ADGRB3: variants seen among roughly 807,000 people sequenced by gnomAD.
ADGRB3 encodes brain-specific angiogenesis inhibitor 3.
Under a neutral mutation model 193.4 loss-of-function variants are expected in ADGRB3, and 37 were observed. The observed-to-expected ratio is 0.19, with a 90% confidence interval of 0.15 to 0.25. The LOEUF is 0.25. Among genes scored for constraint, ADGRB3 ranks in the 10% least tolerant of loss-of-function variants. ADGRB3 has a pLI of 1.00. For missense variants in ADGRB3, 1,637 were observed against 1,852.9 expected (o/e 0.88, Z 2.14); for synonymous variants, 690 against 644.2 (o/e 1.07, Z -1.08).
intron 8 of ADGRB3, among the ~76,000 whole-genome samples, chr6:68,970,503 G>C (rs1478091374): frequency 6.6e-6 from 1 of 152,030 alleles, no homozygotes; most frequent in Non-Finnish European, 1.5e-5. Flanking sequence ...TTTTAGTAGA[G>C]ATGGGGTTTC....
intron 8 of ADGRB3, among the ~76,000 whole-genome samples, chr6:68,969,669 A>G (rs1468142587): frequency 6.6e-6 from 1 of 152,182 alleles, no homozygotes; most frequent in East Asian, 1.9e-4. Flanking sequence ...CAACTCAGAA[A>G]GCAAGCATCA....
Position 69,324,969 on chromosome 6 carries a change from C to G in ADGRB3, c.2912C>G (p.Thr971Ser). 1 of 1,613,810 alleles carries G rather than the reference C, an allele frequency of 6.2e-7. No homozygotes were observed. The highest frequency in any genetic ancestry group is 8.5e-7 in the Non-Finnish European group (1 of 1,179,862). ...TEAWQSYMAV[T>S]GKIRTRLIRK... Reference sequence around the variant, plus strand: ...GCGTGGCAATCATATATGGCTGTAACTGGAAAAATTAGGACACGGCTTATA... The same window carrying G: ...GCGTGGCAATCATATATGGCTGTAAGTGGAAAAATTAGGACACGGCTTATA... Residue 971 changes from threonine to serine, a missense_variant, in exon 21 of 32, where the codon ACT becomes AGT. Transcript: ENST00000370598.
chr6:69,361,563 TATAA>T (rs1769452216), intron 29 of ADGRB3, 51 bp downstream of exon 29: 7 of 1,534,380 alleles, frequency 4.6e-6, no homozygotes, highest in South Asian at 2.5e-5. Context: ...TATGAATAGA[TATAA>T]ATAGAGATAT....
rs565238754 is a variant in ADGRB3, at chr6:68,736,922, A to G, written c.757+97490A>G. 5.3e-5 allele frequency among the ~76,000 whole-genome samples: 8 copies of G among 152,162 alleles called. No homozygotes were observed. In the South Asian group the frequency reaches 1.7e-3, roughly 32 times the overall value. On this transcript the variant is annotated intron_variant, in intron 3 of 31. Transcript: ENST00000370598. Reference sequence around the variant, plus strand: ...TCTCTCTTTTTTAACAACTTGAATTAGTCATGTTTAGTATTTTAATATGTT... The same window carrying G: ...TCTCTCTTTTTTAACAACTTGAATTGGTCATGTTTAGTATTTTAATATGTT...
rs181532711 is a variant in ADGRB3 at position 68,883,678 on chromosome 6, A to G, written c.758-46881A>G. Among the ~76,000 whole-genome samples, 4 of 152,220 alleles carry G rather than the reference A, an allele frequency of 2.6e-5. 1 individual carries two copies. Among genetic ancestry groups the G allele is most frequent in the Non-Finnish European group, 5.9e-5 (4 of 68,012 alleles). On this transcript the variant is annotated intron_variant, in intron 3 of 31. Transcript: ENST00000370598. ...CAAAGGTCTGCACCTTCACTCCTGA[A>G]GCCAGCGAGACCACGAACCCACCAG...
intron 11 of ADGRB3, among the ~76,000 whole-genome samples, chr6:69,000,506 T>C (rs530786559): frequency 7.1e-6 from 1 of 140,754 alleles, no homozygotes; most frequent in South Asian, 2.1e-4. Flanking sequence ...CTATGTAAGG[T>C]ATAGGATAAC....
intron 13 of ADGRB3, among the ~76,000 whole-genome samples, chr6:69,040,823 T>C (rs1455967668): frequency 4.6e-5 from 7 of 151,622 alleles, no homozygotes; most frequent in Non-Finnish European, 1.0e-4. Context: ...ACATATTACA[T>C]TATTAAAAAC....
chr6:68,689,657 T>G (rs1765038350), intron 3 of ADGRB3, among the ~76,000 whole-genome samples: 1 of 152,056 alleles, frequency 6.6e-6, no homozygotes, highest in African/African-American at 2.4e-5. Flanking sequence ...GTTTCTTCTG[T>G]TTTGTTTGTT....
At chr6:69,091,949 T>A (rs1198475962) in intron 17 of ADGRB3, among the ~76,000 whole-genome samples, 3 of 152,178 alleles carry the variant, frequency 2.0e-5, no homozygotes, top group Non-Finnish European at 4.4e-5. Context: ...GAATGAGCCA[T>A]CTGTTTAAGT....
intron 6 of ADGRB3, among the ~76,000 whole-genome samples, chr6:68,949,590 T>C (rs1767862128): frequency 6.6e-6 from 1 of 152,194 alleles, no homozygotes; most frequent in African/African-American, 2.4e-5. Context: ...GGAAAGATTC[T>C]CAACATTTGC....
chr6:69,168,247 G>A (rs965539195), intron 17 of ADGRB3, among the ~76,000 whole-genome samples: 1 of 152,066 alleles, frequency 6.6e-6, no homozygotes, highest in Non-Finnish European at 1.5e-5. Flanking sequence ...GGCGAGAACA[G>A]GGAAAATGCT....
chr6:68,976,013 C>T (rs1768736854), intron 10 of ADGRB3, among the ~76,000 whole-genome samples: 1 of 152,170 alleles, frequency 6.6e-6, no homozygotes, highest in African/African-American at 2.4e-5. Context: ...TGACAGTCAA[C>T]AGGGCCTCCA....
intron 3 of ADGRB3, among the ~76,000 whole-genome samples, chr6:68,660,957 C>T (rs1768615947): frequency 6.6e-6 from 1 of 150,688 alleles, no homozygotes; most frequent in Non-Finnish European, 1.5e-5. Flanking sequence ...AGTCTAAAAT[C>T]ATTTTGCAAA....
intron 3 of ADGRB3, among the ~76,000 whole-genome samples, chr6:68,642,370 T>C (rs1768102863): frequency 6.6e-6 from 1 of 152,130 alleles, no homozygotes; most frequent in Non-Finnish European, 1.5e-5. Flanking sequence ...GTATTTAGTA[T>C]TGAAAAACAA....
chr6:68,920,475 C>T (rs1767006630), intron 3 of ADGRB3, among the ~76,000 whole-genome samples: 1 of 146,104 alleles, frequency 6.8e-6, no homozygotes, highest in Admixed American at 7.0e-5. Flanking sequence ...CCGAGATCCG[C>T]CATTGCACTC....
intron 17 of ADGRB3, among the ~76,000 whole-genome samples, chr6:69,212,994 A>G (rs564364576): frequency 6.6e-6 from 1 of 152,272 alleles, no homozygotes; most frequent in South Asian, 2.1e-4. Context: ...TTCCTGTAAT[A>G]TGATCCCATA....
At chr6:69,337,701 A>AT (rs1768883454) in intron 24 of ADGRB3, among the ~76,000 whole-genome samples, 1 of 152,100 alleles carries the variant, frequency 6.6e-6, no homozygotes, top group African/African-American at 2.4e-5. Context: ...GAAAGCTTTG[A>AT]TTTTTCTCAC....
chr6:69,197,130 C>T (rs1477044801), intron 17 of ADGRB3, among the ~76,000 whole-genome samples: 2 of 151,958 alleles, frequency 1.3e-5, no homozygotes, highest in Admixed American at 1.3e-4. Flanking sequence ...CCCTCGAGGG[C>T]AAGACAAAAG....
intron 20 of ADGRB3, among the ~76,000 whole-genome samples, chr6:69,273,644 T>C (rs571824238): frequency 6.6e-6 from 1 of 152,374 alleles, no homozygotes; most frequent in African/African-American, 2.4e-5. Flanking sequence ...GTTTACATGC[T>C]AAACACTTAA....
Sources: allele counts gnomAD v4.1 joint callset (sites outside exome capture counted in the v4.1 genomes callset), GRCh38; gene constraint gnomAD v4.1.1; transcripts MANE v1.5; gene names NCBI Gene and HGNC (gene_info 2026-07-23, HGNC 2026-07-21).